Variants in TTN observed in about 807,000 individuals in gnomAD.
The protein encoded by TTN is titin, also known as connectin.
In TTN, 1,525 loss-of-function variants were observed where a neutral mutation model predicts 3,223.0. The ratio of observed to expected loss-of-function variants is 0.47; its 90% CI spans 0.45 to 0.49. The LOEUF (loss-of-function observed/expected upper bound fraction) is 0.49. Ranked by LOEUF, TTN falls within the 20% of genes least tolerant of loss-of-function variation. The pLI is 0.00. For missense variants in TTN, 40,786 were observed against 43,424.0 expected, an observed-to-expected ratio of 0.94 and a Z score of 5.40; for synonymous variants, 14,094 against 15,161.0, an observed-to-expected ratio of 0.93 and a Z score of 5.17.
intron 47 of TTN, chr2:178,752,089 G>T: frequency 6.5e-7 from 1 of 1,529,488 alleles, no homozygotes; most frequent in Non-Finnish European, 8.8e-7. Context: ...ACTTGAAAAA[G>T]TTGAAAGTAA....
chr2:178,614,123 A>G lies in TTN; in HGVS notation c.49274T>C (p.Val16425Ala). Residue 16425 changes from valine to alanine, a missense_variant, in exon 262 of 363, where the codon GTT becomes GCT. Val to Ala is a moderately conservative substitution (Grantham distance 64). Transcript: ENST00000589042. ...AACACCATACATGTTTTCTGCAGCA[A>G]CTCTGAAGATGTACTCTTTATTGGG... ...LIPNKEYIFR[V>A]AAENMYGVGE... The G allele has an allele frequency of 1.9e-6, 3 of 1,612,370 alleles. No individual in the cohort carries two copies. The highest frequency in any genetic ancestry group is 1.3e-5 in the African/African-American group (1 of 74,872).
At position 178,572,640 on chromosome 2, in the gene TTN, T is replaced by C; in HGVS notation, c.73492A>G (p.Ile24498Val). The change falls in exon 326 of 363, where the codon ATA becomes GTA. Residue 24498 changes from isoleucine (I) to valine (V), a missense_variant. Transcript: ENST00000589042. ...NVNRFDSGKY[I>V]LTVENSSGSK... ...CCTGAACTATTTTCTACAGTTAGTA[T>C]ATATTTGCCACTGTCAAATCTGTTT... 6.2e-7 allele frequency: 1 copy of C among 1,613,200 alleles called. No individual in the cohort carries two copies. Among genetic ancestry groups the C allele is most frequent in the South Asian group, 1.1e-5 (1 of 91,026 alleles).
At position 178,571,530 on chromosome 2, in the gene TTN, T is replaced by G; in HGVS notation, c.74602A>C (p.Ile24868Leu). The change falls in exon 326 of 363, where the codon ATA becomes CTA. Residue 24868 changes from isoleucine to leucine, a missense_variant. By Grantham distance (5) the Ile-to-Leu change is conservative (BLOSUM62 2). Transcript: ENST00000589042. Reference sequence around the variant, plus strand: ...CCAGTCTTCAGTCTGCAAGCCTTTATTGTTGTCCTTGCAACTGTAGCTGAT... The same window carrying G: ...CCAGTCTTCAGTCTGCAAGCCTTTAGTGTTGTCCTTGCAACTGTAGCTGAT... ...IVSATVARTT[I>L]KACRLKTGCE... 6.2e-7 allele frequency: 1 copy of G among 1,609,588 alleles called. No homozygotes were observed. The highest frequency in any genetic ancestry group is 8.5e-7 in the Non-Finnish European group (1 of 1,176,406).
Position 178,527,098 on chromosome 2 carries a change from GT to G in TTN, c.107889del (p.Lys35963AsnfsTer9), listed in dbSNP as rs281864930. On this transcript the variant is annotated frameshift_variant, in exon 363 of 363. Coordinates refer to ENST00000589042, the MANE Select transcript of TTN (RefSeq NM_001267550.2). LOFTEE classifies it high-confidence loss of function. The part of the protein sequence containing the change: ...LTTLIIMDVQ[K>X]QDGGLYTLSL... The stretch of plus-strand genomic sequence containing the variant: ...CTCAGGGTATAAAGTCCACCATCTT[GT>G]TTCTGTACGTCCATGATGATCAGGG... 6 of 1,613,806 alleles carry G rather than the reference GT, an allele frequency of 3.7e-6. No individual in the cohort carries two copies. The highest frequency in any genetic ancestry group is 4.2e-6 in the Non-Finnish European group (5 of 1,179,870).
rs72646868 is a variant in TTN at position 178,582,370 on chromosome 2, C to T, written c.66086G>A (p.Arg22029His). 124 of 1,611,940 alleles carry T rather than the reference C, an allele frequency of 7.7e-5. No individual in the cohort carries two copies. The highest frequency in any genetic ancestry group is 1.6e-4 in the Middle Eastern group (1 of 6,066). Reference sequence around the variant, plus strand: ...TCCATATTTATTTTCAGCACAAATACGGAACTGATACTCATGGCCCTCTAT... The same window carrying T: ...TCCATATTTATTTTCAGCACAAATATGGAACTGATACTCATGGCCCTCTAT... ...KLIEGHEYQFRICAENKYGVG... is the reference protein window; with the variant it reads ...KLIEGHEYQFHICAENKYGVG... Residue 22029 changes from arginine (R) to histidine (H), a missense_variant, in exon 314 of 363, where the codon CGT (arginine) becomes CAT (histidine). Coordinates refer to ENST00000589042, the MANE Select transcript of TTN (RefSeq NM_001267550.2).
rs1179471767 is a variant in TTN, at chr2:178,536,977, G to A, written c.100132C>T (p.Leu33378=). The A allele has an allele frequency of 1.9e-6, 3 of 1,613,306 alleles. No individual in the cohort carries two copies. The South Asian group carries it at 3.3e-5, about 18-fold the overall frequency. ...ATGATCACAACTGAGGACACTTCTAGAGGGTCACTGATGCCGAAAGTGTTC... is the reference window on the plus strand; with the variant it reads ...ATGATCACAACTGAGGACACTTCTAAAGGGTCACTGATGCCGAAAGTGTTC... ...AQNTFGISDP[L]EVSSVVIIKS... Residue 33378 remains leucine (L), a synonymous_variant, in exon 356 of 363, where the codon CTA becomes TTA. Coordinates refer to ENST00000589042, the MANE Select transcript of TTN (RefSeq NM_001267550.2).
chr2:178,725,340 A>C, intron 71 of TTN, 28 bp downstream of exon 71: 1 of 1,441,840 alleles, frequency 6.9e-7, no homozygotes, highest in Middle Eastern at 1.8e-4. Context: ...ATTTGGCACC[A>C]GTTTCTATCG....
chr2:178,634,166 A>G lies in TTN; in HGVS notation c.42416-83T>C. 1.3e-6 allele frequency: 2 copies of G among 1,551,046 alleles called. No homozygotes were observed. On this transcript the variant is annotated intron_variant, in intron 230 of 362. Transcript: ENST00000589042. This position sits in a 1 kb window ranked among gnomAD's most constrained non-coding sequence, Gnocchi z 4.6. The stretch of plus-strand genomic sequence containing the variant: ...ATTCTAATCTGCCTGAGTAAAAGGG[A>G]CCCATTTCACATGGCACTTATTTAT...
rs753600420 is a variant in TTN, at chr2:178,651,580, A to C, written c.39464-44T>G. ...GTTGTTTAAGCTCATGGTTTCAATG[A>C]AATGTGAAAATCATGAAGCAGAACA... On this transcript the variant is annotated intron_variant, in intron 206 of 362. Coordinates refer to ENST00000589042, the MANE Select transcript of TTN (RefSeq NM_001267550.2). 3 of 1,610,808 alleles carry C rather than the reference A, an allele frequency of 1.9e-6. No homozygotes were observed. In the East Asian group the frequency reaches 6.7e-5, roughly 36 times the overall value.
intron 10 of TTN, 81 bp downstream of exon 10, chr2:178,791,991 G>T: frequency 6.7e-7 from 1 of 1,487,400 alleles, no homozygotes; most frequent in Non-Finnish European, 9.2e-7. Context: ...CCATTTAAGG[G>T]TTTTGACTAT....
In TTN at chr2:178,614,931, C is replaced by T; in HGVS notation, c.48676G>A (p.Ala16226Thr). The T allele has an allele frequency of 1.3e-6, 2 of 1,595,214 alleles. No individual in the cohort carries two copies. The highest frequency in any genetic ancestry group is 1.7e-6 in the Non-Finnish European group (2 of 1,169,872). ...CTGTTTAAGGCCTTCACGCGGTAGG[C>T]ATACCATTTGCCTTCCTCAAGACCT... ...VTGLEEGKWY[A>T]YRVKALNRQG... Residue 16226 changes from alanine (A) to threonine (T), a missense_variant, in exon 260 of 363, where the codon GCC (alanine) becomes ACC (threonine). Ala to Thr is a moderately conservative substitution (Grantham distance 58, BLOSUM62 0). Coordinates refer to ENST00000589042, the MANE Select transcript of TTN (RefSeq NM_001267550.2).
At position 178,605,204 on chromosome 2, in the gene TTN, T is replaced by C; in HGVS notation, c.53973A>G (p.Thr17991=). ...GEPVHIPADV[T]GLPMPKIEWS... is the part of the protein sequence containing the mutation. Reference sequence around the variant, plus strand: ...ATTCAATCTTAGGCATTGGAAGGCCTGTCACATCTGCAGGGATGTGGACAG... The same window carrying C: ...ATTCAATCTTAGGCATTGGAAGGCCCGTCACATCTGCAGGGATGTGGACAG... The change falls in exon 280 of 363, where the codon ACA becomes ACG. Residue 17991 remains threonine (T), a synonymous_variant. Transcript: ENST00000589042. 6.2e-7 allele frequency: 1 copy of C among 1,612,158 alleles called. No individual in the cohort carries two copies.
Position 178,639,727 on chromosome 2 carries a change from T to TA in TTN, c.40847dup (p.Thr13617AsnfsTer15). The TA allele has an allele frequency of 6.2e-7, 1 of 1,611,696 alleles. No individual in the cohort carries two copies. The highest frequency in any genetic ancestry group is 8.5e-7 in the Non-Finnish European group (1 of 1,178,674). ...CTTTCTTTCCAACCACTGGCACTGT[T>TA]ACTGGGGCAGCGATGGGGGTTGGTT... On this transcript the variant is annotated frameshift_variant, in exon 223 of 363. Coordinates refer to ENST00000589042, the MANE Select transcript of TTN (RefSeq NM_001267550.2). LOFTEE classifies it high-confidence loss of function.
rs2057710011 is a variant in TTN, at chr2:178,618,257, G to A, written c.47201C>T (p.Ala15734Val). ...GGVEYLFRVS[A>V]RNRVGTGEPV... is the part of the protein sequence containing the mutation. ...CTCACCAGTGCCAACTCTGTTTCTT[G>A]CACTCACACGGAATAGGTACTCAAC... The change falls in exon 252 of 363, where the codon GCA (alanine) becomes GTA (valine). Residue 15734 changes from alanine to valine, a missense_variant. Physicochemically the swap from Ala to Val is moderately conservative, Grantham distance 64. Transcript: ENST00000589042. The A allele has an allele frequency of 1.2e-6, 2 of 1,612,610 alleles. No individual in the cohort carries two copies. The highest frequency in any genetic ancestry group is 1.7e-6 in the Non-Finnish European group (2 of 1,179,174).
chr2:178,670,156 C>T, intron 157 of TTN, 62 bp downstream of exon 157: 1 of 1,147,594 alleles, frequency 8.7e-7, no homozygotes, highest in Non-Finnish European at 1.2e-6. Flanking sequence ...AAAGGTCTCT[C>T]TTACATAGTA....
chr2:178,605,359 G>A (rs1043161415), intron 279 of TTN, 55 bp downstream of exon 279: 2 of 1,536,604 alleles, frequency 1.3e-6, no homozygotes, highest in African/African-American at 1.4e-5. Flanking sequence ...CAACTTATGG[G>A]ATAAAGGCAC....
In TTN at chr2:178,711,152, T is replaced by C. The variant is rs774589686; in HGVS notation, c.28084A>G (p.Lys9362Glu). The stretch of plus-strand genomic sequence containing the variant: ...TGGCCTGCAAGGCTCCGGTCAGTTT[T>C]AAAAATATTGAGTGTGGCTGTATTG... ...LDNTATLNIF[K>E]TDRSLAGQYS... Residue 9362 changes from lysine (K) to glutamate (E), a missense_variant, in exon 97 of 363, where the codon AAA becomes GAA. Physicochemically the swap from Lys to Glu is moderately conservative, Grantham distance 56 (BLOSUM62 1). Transcript: ENST00000589042. 5.0e-6 allele frequency: 8 copies of C among 1,613,786 alleles called. No homozygotes were observed. Among genetic ancestry groups the C allele is most frequent in the Non-Finnish European group, 6.8e-6 (8 of 1,179,810 alleles).
At position 178,669,645 on chromosome 2, in the gene TTN, T is replaced by G; in HGVS notation, c.35417A>C (p.Glu11806Ala). The G allele has an allele frequency of 6.2e-7, 1 of 1,612,474 alleles. No homozygotes were observed. The highest frequency in any genetic ancestry group is 8.5e-7 in the Non-Finnish European group (1 of 1,179,652). ...APEVPKKIVP[E>A]EKVREAVLKK... ...CAGAACAGCTTCACGAACTTTTTCT[T>G]CTGGGACAATTTTCTTGGGTACTTC... Residue 11806 changes from glutamate to alanine, a missense_variant, in exon 158 of 363, where the codon GAA (glutamate) becomes GCA (alanine). Coordinates refer to ENST00000589042, the MANE Select transcript of TTN (RefSeq NM_001267550.2).
chr2:178,781,693 C>T (rs778835474), intron 20 of TTN, among the ~76,000 whole-genome samples: 15 of 152,062 alleles, frequency 9.9e-5, no homozygotes, highest in African/African-American at 2.7e-4. Context: ...TATGAAGGTA[C>T]GGCACCTACA....
Sources: gnomAD v4.1 joint callset for allele counts (sites outside exome capture counted in the v4.1 genomes callset) on GRCh38, gnomAD v4.1.1 for gene constraint, Gnocchi (gnomAD v3.1) non-coding constraint, MANE v1.5 for transcripts, NCBI Gene and HGNC (gene_info 2026-07-23, HGNC 2026-07-21) for gene names.